The following EPHA6 variants were observed in gnomAD, a reference collection of about 807,000 sequenced individuals.
EPHA6 encodes ephrin type-A receptor 6.
A neutral mutation model predicts 112.0 loss-of-function variants in EPHA6; 50 were observed. That is an observed-to-expected ratio of 0.45 (90% CI 0.36 to 0.56). The LOEUF (loss-of-function observed/expected upper bound fraction) is 0.56. EPHA6 is among the 20% of genes least tolerant of loss of function. EPHA6 has a pLI of 0.00. For synonymous variants in EPHA6, 529 were observed against 490.7 expected, an observed-to-expected ratio of 1.08 and a Z score of -1.03; for missense variants, 1,280 against 1,417.4, an observed-to-expected ratio of 0.90 and a Z score of 1.56.
At chr3:97,342,972 A>T (rs1349439558) in intron 5 of EPHA6, among the ~76,000 whole-genome samples, 1 of 152,184 alleles carries the variant, frequency 6.6e-6, no homozygotes, top group Middle Eastern at 3.2e-3. Flanking sequence ...AAATATGTAA[A>T]ACTGTGGAAG....
At chr3:97,230,280 GTTATT>G (rs2108553014) in intron 4 of EPHA6, among the ~76,000 whole-genome samples, 1 of 152,224 alleles carries the variant, frequency 6.6e-6, no homozygotes, top group South Asian at 2.1e-4. Context: ...AAGGCTTAGA[GTTATT>G]CAGCATGACA....
chr3:97,599,776 T>G (rs1461108497), intron 12 of EPHA6, among the ~76,000 whole-genome samples: 1 of 152,130 alleles, frequency 6.6e-6, no homozygotes, highest in African/African-American at 2.4e-5. Flanking sequence ...ATATGAACTT[T>G]AAAGTAGTTT....
At position 97,155,565 on chromosome 3, in the gene EPHA6, A is replaced by G. The variant is rs777600849; in HGVS notation, c.1115-70699A>G. Among the ~76,000 whole-genome samples the G allele has an allele frequency of 9.9e-5, 15 of 152,188 alleles. 1 individual carries two copies. The highest frequency in any genetic ancestry group is 3.9e-4 in the Admixed American group (6 of 15,272). The stretch of plus-strand genomic sequence containing the variant: ...GTCTTTTTACCCCAGATCCAGGTTG[A>G]CTTGACTGACATCATTGTTCTGAGT... On this transcript the variant is annotated intron_variant, in intron 3 of 17. Coordinates refer to ENST00000389672, the MANE Select transcript of EPHA6 (RefSeq NM_001080448.3).
chr3:97,328,914 C>T (rs1426058335), intron 5 of EPHA6, among the ~76,000 whole-genome samples: 1 of 152,042 alleles, frequency 6.6e-6, no homozygotes, highest in Admixed American at 6.6e-5. Flanking sequence ...GTGCTGCACC[C>T]AGTAACTCGT....
intron 1 of EPHA6, among the ~76,000 whole-genome samples, chr3:96,835,280 A>G (rs1370406869): frequency 6.6e-6 from 1 of 152,066 alleles, no homozygotes; most frequent in Non-Finnish European, 1.5e-5. Context: ...TGTGTAGAGA[A>G]AAGTGTTATA....
At position 97,754,470 on chromosome 3, in the gene EPHA6, T is replaced by G. The variant is rs1340837078; in HGVS notation, c.*5769T>G. On this transcript the variant is annotated 3_prime_UTR_variant, in exon 18 of 18. Transcript: ENST00000389672. ...TTTTGTTTTATTAGCATTTACTTTT[T>G]GAGATTTTACAATATATTTGGAACT... Among the ~76,000 whole-genome samples, 1 of 152,204 alleles carries G rather than the reference T, an allele frequency of 6.6e-6. No homozygotes were observed. The highest frequency in any genetic ancestry group is 1.5e-5 in the Non-Finnish European group (1 of 68,042).
chr3:97,360,696 T>C (rs1559920449), intron 5 of EPHA6, among the ~76,000 whole-genome samples: 1 of 152,200 alleles, frequency 6.6e-6, no homozygotes, highest in Non-Finnish European at 1.5e-5. Context: ...CACGTTTGGT[T>C]AATACAATTC....
At chr3:97,476,388 G>C (rs2091369744) in intron 8 of EPHA6, among the ~76,000 whole-genome samples, 1 of 152,000 alleles carries the variant, frequency 6.6e-6, no homozygotes, top group East Asian at 1.9e-4. Flanking sequence ...CAGCCAAACA[G>C]TACACACCAA....
At chr3:97,717,026 TGTTG>T (rs1257232844) in intron 14 of EPHA6, among the ~76,000 whole-genome samples, 1 of 151,944 alleles carries the variant, frequency 6.6e-6, no homozygotes, top group Non-Finnish European at 1.5e-5. Context: ...ACCATCACCA[TGTTG>T]GTCAGCCTGG....
intron 3 of EPHA6, among the ~76,000 whole-genome samples, chr3:97,081,665 G>A (rs1421041693): frequency 6.6e-6 from 1 of 151,572 alleles, no homozygotes; most frequent in Non-Finnish European, 1.5e-5. Context: ...AAGGATATAT[G>A]CACACATAAA....
chr3:97,693,948 G>A (rs1045087257), intron 14 of EPHA6, among the ~76,000 whole-genome samples: 1 of 151,936 alleles, frequency 6.6e-6, no homozygotes, highest in East Asian at 1.9e-4. Flanking sequence ...ATTGTGCTTG[G>A]TCAAGTTTAC....
intron 5 of EPHA6, among the ~76,000 whole-genome samples, chr3:97,403,628 A>G (rs889390724): frequency 6.6e-6 from 1 of 152,148 alleles, no homozygotes; most frequent in Non-Finnish European, 1.5e-5. Flanking sequence ...GTGTATTTTT[A>G]GTAGAGACGG....
intron 3 of EPHA6, among the ~76,000 whole-genome samples, chr3:97,224,197 T>C (rs1010102442): frequency 7.2e-5 from 11 of 152,206 alleles, no homozygotes; most frequent in Non-Finnish European, 1.5e-4. Context: ...AATTTAAAAT[T>C]ATTTATATGT....
intron 3 of EPHA6, among the ~76,000 whole-genome samples, chr3:97,032,846 C>T (rs542698382): frequency 5.3e-5 from 8 of 151,964 alleles, no homozygotes; most frequent in East Asian, 3.9e-4. Flanking sequence ...TCGGCTGAAT[C>T]GCAATATAAG....
intron 4 of EPHA6, among the ~76,000 whole-genome samples, chr3:97,239,367 C>T (rs966295418): frequency 1.2e-4 from 18 of 151,726 alleles, no homozygotes; most frequent in Admixed American, 9.2e-4. Context: ...CCTTGAACAA[C>T]ATGGGGGTTA....
intron 9 of EPHA6, among the ~76,000 whole-genome samples, chr3:97,481,673 C>T (rs1204726417): frequency 5.3e-5 from 8 of 151,770 alleles, no homozygotes; most frequent in Non-Finnish European, 1.0e-4. Flanking sequence ...AACGGCCGCC[C>T]GGCCCCGCCC....
In EPHA6 at chr3:97,685,842, G is replaced by A. The variant is rs374530058; in HGVS notation, c.2785-34419G>A. ...AGAACTGAACCATGGAGAAAACCAAGTAACTAGCCAAAGATTACACAATAA... is the reference window on the plus strand; with the variant it reads ...AGAACTGAACCATGGAGAAAACCAAATAACTAGCCAAAGATTACACAATAA... On this transcript the variant is annotated intron_variant, in intron 14 of 17. Transcript: ENST00000389672. Among the ~76,000 whole-genome samples, 14 of 152,222 alleles carry A rather than the reference G, an allele frequency of 9.2e-5. No homozygotes were observed. The South Asian group carries it at 2.5e-3, about 27-fold the overall frequency.
At chr3:97,033,154 G>T (rs184598016) in intron 3 of EPHA6, among the ~76,000 whole-genome samples, 2 of 151,874 alleles carry the variant, frequency 1.3e-5, no homozygotes, top group African/African-American at 4.8e-5. Context: ...CTGGAGACTC[G>T]GTACTCTTGG....
chr3:97,487,588 A>G (rs1040572172), intron 10 of EPHA6, among the ~76,000 whole-genome samples: 9 of 152,192 alleles, frequency 5.9e-5, no homozygotes, highest in South Asian at 2.1e-4. Context: ...ACTGAACCAT[A>G]AAAATTTAAT....
Sources: gnomAD v4.1 joint callset for allele counts (sites outside exome capture counted in the v4.1 genomes callset) on GRCh38, gnomAD v4.1.1 for gene constraint, MANE v1.5 for transcripts, NCBI Gene and HGNC (gene_info 2026-07-23, HGNC 2026-07-21) for gene names.